UNC5C: variants seen among roughly 807,000 people sequenced by gnomAD.
UNC5C encodes the protein unc-5 netrin receptor C, also known as netrin receptor UNC5C.
A neutral mutation model predicts 99.8 loss-of-function variants in UNC5C; 47 were observed. The observed-to-expected ratio is 0.47, with a 90% CI of 0.37 to 0.60. The LOEUF (loss-of-function observed/expected upper bound fraction) is 0.60. Ranked by LOEUF, UNC5C falls within the 20% of genes least tolerant of loss-of-function variation. The probability of loss-of-function intolerance (pLI) is 0.00; values close to 1 mark genes in which losing one functional copy is unlikely to be tolerated. For missense variants in UNC5C, 1,062 were observed against 1,165.9 expected (o/e 0.91, Z 1.30); for synonymous variants, 487 against 452.2 (o/e 1.08, Z -0.98).
At chr4:95,411,960 A>G (rs1170874860) in intron 1 of UNC5C, among the ~76,000 whole-genome samples, 2 of 146,184 alleles carry the variant, frequency 1.4e-5, no homozygotes, top group African/African-American at 2.5e-5. Context: ...CTCTCCCACC[A>G]CTTCTCCATA....
rs563342732 is a variant in UNC5C at position 95,417,037 on chromosome 4, G to A, written c.125-81406C>T. Among the ~76,000 whole-genome samples, 4 of 152,278 alleles carry A rather than the reference G, an allele frequency of 2.6e-5. 1 individual carries two copies. The South Asian group carries it at 8.3e-4, about 32-fold the overall frequency. ...GACAATTCTCTTACTGGGGAGAAAA[G>A]GGGGCCAAGGAACATGCCCAAGGTA... On this transcript the variant is annotated intron_variant, in intron 1 of 15. Transcript: ENST00000453304.
chr4:95,484,557 T>A (rs916698483), intron 1 of UNC5C, among the ~76,000 whole-genome samples: 1 of 151,852 alleles, frequency 6.6e-6, no homozygotes, highest in Non-Finnish European at 1.5e-5. Flanking sequence ...GGTCTCTTTC[T>A]TCCCTGCTGC....
At chr4:95,170,448 A>C in intron 14 of UNC5C, 116 bp from the exon 15 acceptor site, 4 of 1,258,908 alleles carry the variant, frequency 3.2e-6, no homozygotes, top group Non-Finnish European at 4.4e-6. Flanking sequence ...GAATGCTGTT[A>C]TTCTTCTTAG....
intron 6 of UNC5C, among the ~76,000 whole-genome samples, chr4:95,244,141 T>G (rs1215538934): frequency 6.6e-6 from 1 of 152,126 alleles, no homozygotes; most frequent in Non-Finnish European, 1.5e-5. Context: ...AAAGGAGAAG[T>G]AAGGAGGCTG....
chr4:95,439,081 C>T (rs550630666), intron 1 of UNC5C, among the ~76,000 whole-genome samples: 1 of 152,238 alleles, frequency 6.6e-6, no homozygotes, highest in East Asian at 1.9e-4. Context: ...TCTTTCTACC[C>T]TGTCATGTAG....
At chr4:95,258,687 G>A (rs372175952) in intron 4 of UNC5C, among the ~76,000 whole-genome samples, 2 of 149,944 alleles carry the variant, frequency 1.3e-5, no homozygotes, top group South Asian at 4.2e-4. Flanking sequence ...TGACCTGTTT[G>A]CCTATTCTGC....
rs559197849 is a variant in UNC5C, at chr4:95,215,796, A to C, written c.1733+328T>G. 1.1e-4 allele frequency among the ~76,000 whole-genome samples: 17 copies of C among 152,240 alleles called. No individual in the cohort carries two copies. The East Asian group carries it at 3.3e-3, about 30-fold the overall frequency. On this transcript the variant is annotated intron_variant, in intron 10 of 15. Coordinates refer to ENST00000453304, the MANE Select transcript of UNC5C (RefSeq NM_003728.4). ...AGGCTGGATTCCTGAGCCAGATGCC[A>C]TGAAGTCGACGTCTCTGTGTCTACC...
intron 1 of UNC5C, among the ~76,000 whole-genome samples, chr4:95,347,193 G>A (rs757811341): frequency 1.8e-4 from 27 of 151,718 alleles, no homozygotes; most frequent in Non-Finnish European, 3.5e-4. Flanking sequence ...AAATCCCTAG[G>A]CATTAATTAA....
intron 1 of UNC5C, among the ~76,000 whole-genome samples, chr4:95,456,156 T>C (rs766996728): frequency 1.3e-5 from 2 of 151,980 alleles, no homozygotes; most frequent in Non-Finnish European, 2.9e-5. Context: ...ATAATGGTAA[T>C]AATTATAAGG....
In UNC5C at chr4:95,427,146, G is replaced by A. The variant is rs540478828; in HGVS notation, c.125-91515C>T. Among the ~76,000 whole-genome samples the A allele has an allele frequency of 1.8e-4, 28 of 152,242 alleles. No individual in the cohort carries two copies. In the South Asian group the frequency reaches 4.8e-3, roughly 26 times the overall value. On this transcript the variant is annotated intron_variant, in intron 1 of 15. Transcript: ENST00000453304. ...TAGCAAGAGAATTAGAATTAAAAGT[G>A]GAACATGAAGATGTGACTGAATTGC...
intron 14 of UNC5C, among the ~76,000 whole-genome samples, chr4:95,177,137 C>G (rs933520911): frequency 7.2e-5 from 11 of 152,222 alleles, no homozygotes; most frequent in Non-Finnish European, 1.3e-4. Context: ...CCTGCGCCCA[C>G]TGTCTGGCAC....
intron 5 of UNC5C, chr4:95,248,422 A>C: frequency 2.6e-6 from 1 of 381,454 alleles, no homozygotes; most frequent in South Asian, 2.0e-5. Flanking sequence ...AAGAAGATTA[A>C]GAGTTATTTT....
intron 1 of UNC5C, among the ~76,000 whole-genome samples, chr4:95,428,538 A>G (rs1027522369): frequency 6.6e-6 from 1 of 152,158 alleles, no homozygotes; most frequent in African/African-American, 2.4e-5. Flanking sequence ...TGGAGTGTAC[A>G]GATGCTGGAG....
intron 1 of UNC5C, among the ~76,000 whole-genome samples, chr4:95,510,113 T>C (rs1722030996): frequency 6.6e-6 from 1 of 152,014 alleles, no homozygotes; most frequent in Non-Finnish European, 1.5e-5. Flanking sequence ...ATTTTCATTT[T>C]TCTAAAAGGT....
chr4:95,194,965 T>C (rs1737319313), intron 12 of UNC5C, among the ~76,000 whole-genome samples: 1 of 152,018 alleles, frequency 6.6e-6, no homozygotes, highest in Admixed American at 6.6e-5. Context: ...ATGGGGTAAA[T>C]TTAGAGGCAC....
chr4:95,183,268 C>CAAGT (rs1393668100), intron 13 of UNC5C, among the ~76,000 whole-genome samples: 15 of 151,958 alleles, frequency 9.9e-5, no homozygotes, highest in Non-Finnish European at 2.2e-4. Flanking sequence ...AATCACACAG[C>CAAGT]AAGTAAGTAG....
At chr4:95,205,400 AT>A (rs1360886785) in intron 11 of UNC5C, among the ~76,000 whole-genome samples, 1 of 152,164 alleles carries the variant, frequency 6.6e-6, no homozygotes, top group East Asian at 1.9e-4. Context: ...TTATTTATTT[AT>A]TATGTACGCT....
At chr4:95,244,847 G>A (rs1207029638) in intron 6 of UNC5C, 130 bp downstream of exon 6, 4 of 1,241,666 alleles carry the variant, frequency 3.2e-6, no homozygotes, top group African/African-American at 3.0e-5. Flanking sequence ...AATGTAAACA[G>A]TGAGTAGGAT....
At chr4:95,215,624 A>G (rs137947101) in intron 10 of UNC5C, among the ~76,000 whole-genome samples, 127 of 152,304 alleles carry the variant, frequency 8.3e-4, no homozygotes, top group Non-Finnish European at 1.5e-3. Flanking sequence ...AGTGTTAAAC[A>G]TAAGAAGGAA....
Sources: allele counts gnomAD v4.1 joint callset (sites outside exome capture counted in the v4.1 genomes callset), GRCh38; gene constraint gnomAD v4.1.1; transcripts MANE v1.5; gene names NCBI Gene and HGNC (gene_info 2026-07-23, HGNC 2026-07-21).